Variants in CALD1 observed in about 807,000 individuals in gnomAD.
The protein encoded by CALD1 is caldesmon.
A neutral mutation model predicts 99.9 loss-of-function variants in CALD1; 33 were observed. The ratio of observed to expected loss-of-function variants is 0.33; its 90% CI spans 0.25 to 0.44. The LOEUF (loss-of-function observed/expected upper bound fraction) is 0.44, where lower values mean the gene tolerates loss of function less well. CALD1 is among the 20% of genes least tolerant of loss of function. The pLI is 1.00. For synonymous variants in CALD1, 310 were observed against 325.0 expected (o/e 0.95, Z 0.50); for missense variants, 861 against 962.1 (o/e 0.89, Z 1.39).
chr7:134,736,781 A>G, the CALD1 span, among the ~76,000 whole-genome samples: 1 of 152,160 alleles, frequency 6.6e-6, no homozygotes, highest in Admixed American at 6.5e-5. Flanking sequence ...TTTTCATCCA[A>G]TTAGAAATTT....
chr7:134,968,302 C>G, intron 14 of CALD1, 38 bp from the exon 15 acceptor site: 3 of 1,609,388 alleles, frequency 1.9e-6, no homozygotes, highest in Non-Finnish European at 2.6e-6. Flanking sequence ...CAGTTTCACA[C>G]TACAGGCTGT....
chr7:134,960,556 G>A lies in CALD1; in HGVS notation c.2223G>A (p.Gly741=), dbSNP rs1437503339. ...AGGAAACTGCTGGCTTGAAGGTAGG[G>A]GTTTCTAGCCGCATCAATGAATGGC... The part of the protein sequence containing the change: ...PNKETAGLKV[G]VSSRINEWLT... The change falls in exon 13 of 15, where the codon GGG becomes GGA. Residue 741 remains glycine (G), a synonymous_variant. Transcript: ENST00000361675. 2 of 1,612,516 alleles carry A rather than the reference G, an allele frequency of 1.2e-6. No individual in the cohort carries two copies. The highest frequency in any genetic ancestry group is 1.7e-6 in the Non-Finnish European group (2 of 1,178,740).
chr7:134,877,565 C>A (rs1801409198), intron 3 of CALD1, among the ~76,000 whole-genome samples: 1 of 152,228 alleles, frequency 6.6e-6, no homozygotes, highest in Middle Eastern at 3.4e-3. Context: ...CAACCCAGAT[C>A]AAAAATGTAG....
chr7:134,778,086 G>A (rs1796954755), upstream of CALD1, among the ~76,000 whole-genome samples: 1 of 152,182 alleles, frequency 6.6e-6, no homozygotes, highest in African/African-American at 2.4e-5. Context: ...GGATGCCTGA[G>A]GCTCATCTCT....
At chr7:134,758,458 A>C (rs766897908) in intron 1 of CALD1, among the ~76,000 whole-genome samples, 6 of 151,454 alleles carry the variant, frequency 4.0e-5, no homozygotes, top group Non-Finnish European at 7.4e-5. Context: ...TAAGCATGTG[A>C]AGTTAGCTCT....
Position 134,783,340 on chromosome 7 carries a change from T to C in CALD1, c.-130+3591T>C, listed in dbSNP as rs1178274788. 6.6e-6 allele frequency among the ~76,000 whole-genome samples: 1 copy of C among 152,134 alleles called. No individual in the cohort carries two copies. Among genetic ancestry groups the C allele is most frequent in the African/African-American group, 2.4e-5 (1 of 41,418 alleles). ...CCAGCTCCCCCATCCCTGTACCGGA[T>C]AGGGAGCTTTCTTGATCCAACATTG... On this transcript the variant is annotated intron_variant, in intron 1 of 14. Transcript: ENST00000361675. The surrounding 1 kb of genome is among the most constrained non-coding windows in gnomAD (Gnocchi z 4.3).
intron 3 of CALD1, among the ~76,000 whole-genome samples, chr7:134,915,063 C>A (rs1026736762): frequency 6.6e-6 from 1 of 152,194 alleles, no homozygotes; most frequent in South Asian, 2.1e-4. Context: ...CAGGTTATAG[C>A]AGCAAGCATT....
intron 3 of CALD1, among the ~76,000 whole-genome samples, chr7:134,883,407 G>T (rs537184857): frequency 2.0e-4 from 31 of 151,950 alleles, no homozygotes; most frequent in African/African-American, 6.8e-4. Flanking sequence ...TTCATAATGT[G>T]TTAACATTAA....
chr7:134,758,105 G>T (rs892852713), intron 1 of CALD1, among the ~76,000 whole-genome samples: 3 of 152,146 alleles, frequency 2.0e-5, no homozygotes, highest in Non-Finnish European at 4.4e-5. Flanking sequence ...CTTTCTACAA[G>T]TACATTCCAC....
the CALD1 span, among the ~76,000 whole-genome samples, chr7:134,734,266 C>G: frequency 6.6e-6 from 1 of 152,210 alleles, no homozygotes; most frequent in Admixed American, 6.5e-5. Flanking sequence ...TTTTATTTCT[C>G]TCCAAAATTC....
intron 1 of CALD1, among the ~76,000 whole-genome samples, chr7:134,821,610 T>C (rs1290602075): frequency 1.0e-5 from 1 of 95,304 alleles, no homozygotes; most frequent in African/African-American, 3.6e-5. Context: ...TGAGACAGAG[T>C]CTCGCTCCGT....
At chr7:134,920,990 C>G (rs780569662) in intron 3 of CALD1, among the ~76,000 whole-genome samples, 1 of 152,182 alleles carries the variant, frequency 6.6e-6, no homozygotes, top group Non-Finnish European at 1.5e-5. Context: ...GCATCTGTGT[C>G]TGCATTTGTG....
intron 1 of CALD1, among the ~76,000 whole-genome samples, chr7:134,761,851 A>T (rs950648200): frequency 6.6e-6 from 1 of 152,168 alleles, no homozygotes; most frequent in Non-Finnish European, 1.5e-5. Context: ...ATTTACCATT[A>T]TTTGTATTAT....
At chr7:134,755,527 T>C (rs960765705) in intron 1 of CALD1, among the ~76,000 whole-genome samples, 11 of 152,186 alleles carry the variant, frequency 7.2e-5, no homozygotes, top group African/African-American at 2.4e-4. Context: ...GGGTGGCTTA[T>C]CTTTCTTCTT....
chr7:134,937,522 G>C (rs1190449990), intron 6 of CALD1, among the ~76,000 whole-genome samples: 1 of 151,862 alleles, frequency 6.6e-6, no homozygotes, highest in African/African-American at 2.4e-5. Context: ...CGAAAGACTA[G>C]GTTTTCCCCT....
the CALD1 span, among the ~76,000 whole-genome samples, chr7:134,732,974 G>C: frequency 6.6e-6 from 1 of 152,182 alleles, no homozygotes; most frequent in Non-Finnish European, 1.5e-5. Flanking sequence ...TGATCTCCTA[G>C]CATTCTGGAA....
intron 13 of CALD1, chr7:134,962,025 AACT>A (rs1563137112): frequency 3.3e-5 from 5 of 152,160 alleles, no homozygotes; most frequent in African/African-American, 1.2e-4. Flanking sequence ...CCTACTGAGT[AACT>A]CTCAAGATAG....
intron 3 of CALD1, among the ~76,000 whole-genome samples, chr7:134,907,440 C>T (rs1170046149): frequency 6.6e-6 from 1 of 151,666 alleles, no homozygotes; most frequent in Non-Finnish European, 1.5e-5. Flanking sequence ...AAAAAAAGCA[C>T]ATTACAACTC....
rs1424728293 is a variant in CALD1, at chr7:134,961,637, C to T, written c.2295+1009C>T. 2.0e-5 allele frequency: 3 copies of T among 152,314 alleles called. No individual in the cohort carries two copies. The East Asian group carries it at 5.8e-4, about 29-fold the overall frequency. 9.4% of individuals were successfully genotyped at this position (152,314 alleles called of 1,614,324 possible). A position where few individuals can be genotyped will look rare whatever the true frequency, so the allele number is the denominator to read the frequency against. ...CTCCTTGAACCGTTTAATTAATCTA[C>T]ACCCCGAGATTCTTTGCATAAAGGC... is the stretch of plus-strand genomic sequence containing the variant. On this transcript the variant is annotated intron_variant, in intron 13 of 14. Transcript: ENST00000361675.
Sources: gnomAD v4.1 joint callset for allele counts (sites outside exome capture counted in the v4.1 genomes callset) on GRCh38, gnomAD v4.1.1 for gene constraint, Gnocchi (gnomAD v3.1) non-coding constraint, MANE v1.5 for transcripts, NCBI Gene and HGNC (gene_info 2026-07-23, HGNC 2026-07-21) for gene names.